FCHSD2: variants seen among roughly 807,000 people sequenced by gnomAD.
FCHSD2 encodes FCH and double SH3 domains 2, also known as F-BAR and double SH3 domains protein 2.
A neutral mutation model predicts 108.1 loss-of-function variants in FCHSD2; 38 were observed. The ratio of observed to expected loss-of-function variants is 0.35; its 90% CI spans 0.27 to 0.46. FCHSD2 has a LOEUF of 0.46. FCHSD2 is among the 20% of genes least tolerant of loss of function. The probability of loss-of-function intolerance (pLI) is 1.00; values close to 1 mark genes in which losing one functional copy is unlikely to be tolerated. For synonymous variants in FCHSD2, 279 were observed against 314.7 expected, an observed-to-expected ratio of 0.89 and a Z score of 1.20; for missense variants, 751 against 897.8, an observed-to-expected ratio of 0.84 and a Z score of 2.09.
At chr11:73,022,345 G>A (rs1046867072) in intron 3 of FCHSD2, among the ~76,000 whole-genome samples, 2 of 152,152 alleles carry the variant, frequency 1.3e-5, no homozygotes, top group African/African-American at 2.4e-5. Context: ...TAGATGACAT[G>A]ATTGTCTATG....
At chr11:72,901,330 G>A (rs1197926068) in intron 10 of FCHSD2, among the ~76,000 whole-genome samples, 1 of 152,070 alleles carries the variant, frequency 6.6e-6, no homozygotes. Context: ...CCAGGAGAGG[G>A]GGGCTGTAGT....
chr11:73,124,586 C>T (rs1050376698), intron 2 of FCHSD2, among the ~76,000 whole-genome samples: 50 of 151,918 alleles, frequency 3.3e-4, no homozygotes, highest in African/African-American at 1.2e-3. Context: ...TGAAACCCCG[C>T]CTCTACTGAA....
At chr11:73,037,172 G>T (rs1035303262) in intron 3 of FCHSD2, among the ~76,000 whole-genome samples, 6 of 152,084 alleles carry the variant, frequency 3.9e-5, no homozygotes, top group African/African-American at 1.4e-4. Context: ...TGAGAGAAAG[G>T]TACAGAGAGT....
At chr11:73,098,478 G>A (rs1860142816) in intron 2 of FCHSD2, among the ~76,000 whole-genome samples, 1 of 152,036 alleles carries the variant, frequency 6.6e-6, no homozygotes, top group Non-Finnish European at 1.5e-5. Context: ...GATCTATCCT[G>A]GAAAATGTTT....
Position 72,970,808 on chromosome 11 carries a change from G to A in FCHSD2, c.705+13280C>T, listed in dbSNP as rs1400026333. On this transcript the variant is annotated intron_variant, in intron 8 of 19. Coordinates refer to ENST00000409418, the MANE Select transcript of FCHSD2 (RefSeq NM_014824.3). ...TCATTTAACACCAATTTTGGGGTTA[G>A]GTATACAAAATGGGACAAAACATAC... Among the ~76,000 whole-genome samples the A allele has an allele frequency of 3.9e-5, 6 of 152,252 alleles. No individual in the cohort carries two copies. The East Asian group carries it at 9.6e-4, about 24-fold the overall frequency.
At chr11:73,019,204 G>A (rs1858043086) in intron 3 of FCHSD2, among the ~76,000 whole-genome samples, 1 of 152,182 alleles carries the variant, frequency 6.6e-6, no homozygotes, top group South Asian at 2.1e-4. Flanking sequence ...CAGTTCATGA[G>A]CAGGATTAAG....
chr11:73,057,044 C>G (rs773133707), intron 3 of FCHSD2, among the ~76,000 whole-genome samples: 1 of 152,156 alleles, frequency 6.6e-6, no homozygotes, highest in African/African-American at 2.4e-5. Flanking sequence ...GATCACACCA[C>G]TGCACTCTAG....
At chr11:72,896,947 C>A (rs199961304) in intron 10 of FCHSD2, among the ~76,000 whole-genome samples, 1 of 151,990 alleles carries the variant, frequency 6.6e-6, no homozygotes, top group Admixed American at 6.5e-5. Flanking sequence ...CTGCCTCAGC[C>A]TCCCGAGTAG....
At chr11:73,001,807 T>C (rs1857631611) in intron 4 of FCHSD2, among the ~76,000 whole-genome samples, 1 of 152,204 alleles carries the variant, frequency 6.6e-6, no homozygotes, top group South Asian at 2.1e-4. Context: ...TTGGATTCAT[T>C]CCAAGCAAGT....
intron 12 of FCHSD2, among the ~76,000 whole-genome samples, chr11:72,874,632 T>C (rs1041810579): frequency 2.0e-5 from 3 of 152,250 alleles, no homozygotes; most frequent in African/African-American, 2.4e-5. Flanking sequence ...TACATTCTAT[T>C]TTCTCAAAGC....
intron 3 of FCHSD2, among the ~76,000 whole-genome samples, chr11:73,057,781 G>A (rs1859061685): frequency 6.6e-6 from 1 of 151,988 alleles, no homozygotes; most frequent in South Asian, 2.1e-4. Context: ...ACAATGTATT[G>A]CGCCCCACAG....
chr11:73,086,513 AAAG>A (rs774699352), intron 2 of FCHSD2, among the ~76,000 whole-genome samples: 5 of 152,238 alleles, frequency 3.3e-5, no homozygotes, highest in Non-Finnish European at 7.3e-5. Flanking sequence ...AAGTTAGCAG[AAAG>A]AAGGAAATAT....
rs142265247 is a variant in FCHSD2 at position 72,852,502 on chromosome 11, C to T, written c.1309-2613G>A. Among the ~76,000 whole-genome samples, 895 of 152,176 alleles carry T rather than the reference C, an allele frequency of 5.9e-3. 9 individuals carry two copies. Among genetic ancestry groups the T allele is most frequent in the Non-Finnish European group, 9.0e-3 (615 of 67,988 alleles). On this transcript the variant is annotated intron_variant, in intron 13 of 19. Coordinates refer to ENST00000409418, the MANE Select transcript of FCHSD2 (RefSeq NM_014824.3). ...CCAAAATGGCGAAACCTTGTCTCTA[C>T]TAAAAATACAAAAATTAGCCAGGCG...
intron 2 of FCHSD2, among the ~76,000 whole-genome samples, chr11:73,084,250 T>C (rs1859762913): frequency 1.3e-5 from 2 of 152,146 alleles, no homozygotes; most frequent in South Asian, 4.1e-4. Flanking sequence ...ATATGAAAAA[T>C]GCTCAAAATG....
rs112681233 is a variant in FCHSD2, at chr11:73,021,513, C to T, written c.166-5628G>A. 5.4e-3 allele frequency among the ~76,000 whole-genome samples: 825 copies of T among 152,060 alleles called. 4 individuals carry two copies. Among genetic ancestry groups the T allele is most frequent in the South Asian group, 0.014 (69 of 4,812 alleles). ...ATAAATGGGAGCTAAATGATGAGAACACATGAACACATAGAGGAGAACAAC... is the reference window on the plus strand; with the variant it reads ...ATAAATGGGAGCTAAATGATGAGAATACATGAACACATAGAGGAGAACAAC... On this transcript the variant is annotated intron_variant, in intron 3 of 19. Coordinates refer to ENST00000409418, the MANE Select transcript of FCHSD2 (RefSeq NM_014824.3).
chr11:72,993,341 G>T (rs2135409352), intron 5 of FCHSD2, among the ~76,000 whole-genome samples: 1 of 152,304 alleles, frequency 6.6e-6, no homozygotes, highest in African/African-American at 2.4e-5. Context: ...CATTGTGGAA[G>T]TCAGTGTGGC....
intron 3 of FCHSD2, among the ~76,000 whole-genome samples, chr11:73,078,781 C>A (rs967219796): frequency 1.1e-4 from 17 of 152,108 alleles, no homozygotes; most frequent in African/African-American, 4.1e-4. Context: ...CACAGTGGTG[C>A]GATCACAGCT....
intron 8 of FCHSD2, among the ~76,000 whole-genome samples, chr11:72,941,669 A>G (rs1856421881): frequency 1.3e-5 from 2 of 152,302 alleles, no homozygotes; most frequent in Non-Finnish European, 2.9e-5. Flanking sequence ...TTGCTCATAT[A>G]TGTACGTTTG....
At chr11:73,068,637 A>T (rs1224687557) in intron 3 of FCHSD2, among the ~76,000 whole-genome samples, 1 of 152,042 alleles carries the variant, frequency 6.6e-6, no homozygotes, top group East Asian at 1.9e-4. Context: ...TGGAACACAC[A>T]TTTGGTACAG....
Sources: allele counts gnomAD v4.1 joint callset (sites outside exome capture counted in the v4.1 genomes callset), GRCh38; gene constraint gnomAD v4.1.1; transcripts MANE v1.5; gene names NCBI Gene and HGNC (gene_info 2026-07-23, HGNC 2026-07-21).